Variants in RGS6 observed in about 807,000 individuals in gnomAD.
The protein encoded by RGS6 is regulator of G protein signaling 6.
Under a neutral mutation model 78.5 loss-of-function variants are expected in RGS6, and 30 were observed. The ratio of observed to expected loss-of-function variants is 0.38; its 90% CI spans 0.29 to 0.52. The LOEUF (loss-of-function observed/expected upper bound fraction) is 0.52, where lower values mean the gene tolerates loss of function less well. RGS6 is among the 20% of genes least tolerant of loss of function. RGS6 has a pLI of 0.85. For synonymous variants in RGS6, 206 were observed against 206.0 expected (o/e 1.00, Z 0.00); for missense variants, 495 against 609.7 (o/e 0.81, Z 1.98).
chr14:72,307,276 A>C (rs1236581044), intron 2 of RGS6, among the ~76,000 whole-genome samples: 1 of 152,094 alleles, frequency 6.6e-6, no homozygotes, highest in African/African-American at 2.4e-5. Context: ...ATGTGCTGGG[A>C]AACCAAAAAA....
intron 2 of RGS6, among the ~76,000 whole-genome samples, chr14:72,186,180 A>C (rs937543932): frequency 1.3e-5 from 2 of 152,232 alleles, no homozygotes; most frequent in Admixed American, 1.3e-4. Flanking sequence ...TTACCAAAGC[A>C]GATTTTATCA....
Position 71,986,430 on chromosome 14 carries a change from A to C in RGS6, c.84+21555A>C, listed in dbSNP as rs370661098. Among the ~76,000 whole-genome samples the C allele has an allele frequency of 3.3e-5, 5 of 152,342 alleles. No homozygotes were observed. In the South Asian group the frequency reaches 6.2e-4, roughly 19 times the overall value. ...GTAATGGCTTAAAACAAGGCCAGGC[A>C]CAGTGGTGCATGCCTGTAATTCCAG... On this transcript the variant is annotated intron_variant, in intron 2 of 17. Transcript: ENST00000553525.
At position 72,205,975 on chromosome 14, in the gene RGS6, A is replaced by G. The variant is rs577369488; in HGVS notation, c.85-146120A>G. 5.3e-5 allele frequency among the ~76,000 whole-genome samples: 8 copies of G among 152,368 alleles called. No individual in the cohort carries two copies. In the East Asian group the frequency reaches 1.3e-3, roughly 26 times the overall value. ...TTTGTACTATTTATCAGAATTTAAA[A>G]TGTATATGCCCTTTGGCCCAGCAAC... On this transcript the variant is annotated intron_variant, in intron 2 of 17. Coordinates refer to ENST00000553525, the MANE Select transcript of RGS6 (RefSeq NM_001204424.2).
intron 2 of RGS6, among the ~76,000 whole-genome samples, chr14:72,322,521 T>G (rs113420325): frequency 0.016 from 2,497 of 152,112 alleles, 30 homozygotes; most frequent in African/African-American, 0.028. Context: ...TTAAACCAAG[T>G]GAAAGCATCC....
the RGS6 span, among the ~76,000 whole-genome samples, chr14:71,881,731 G>A: frequency 6.6e-6 from 1 of 152,172 alleles, no homozygotes; most frequent in African/African-American, 2.4e-5. Flanking sequence ...TCAGCAGTGT[G>A]AGAATGGACT....
chr14:72,559,592 T>A (rs2097642550), intron 17 of RGS6, among the ~76,000 whole-genome samples: 1 of 151,288 alleles, frequency 6.6e-6, no homozygotes, highest in Non-Finnish European at 1.5e-5. Flanking sequence ...AAAGCAGGAG[T>A]GGGGAGAGGG....
At chr14:72,442,022 G>A (rs949787194) in intron 3 of RGS6, among the ~76,000 whole-genome samples, 3 of 152,316 alleles carry the variant, frequency 2.0e-5, no homozygotes, top group African/African-American at 4.8e-5. Flanking sequence ...CTGGAATGGA[G>A]GGAAATGTTT....
intron 2 of RGS6, among the ~76,000 whole-genome samples, chr14:72,152,032 T>A (rs959270438): frequency 6.6e-6 from 1 of 152,150 alleles, no homozygotes; most frequent in Non-Finnish European, 1.5e-5. Context: ...GTTTCCTCCA[T>A]CAAATGGGGA....
At chr14:72,152,815 C>G (rs540094608) in intron 2 of RGS6, among the ~76,000 whole-genome samples, 3 of 152,266 alleles carry the variant, frequency 2.0e-5, no homozygotes, top group South Asian at 2.1e-4. Flanking sequence ...TAGCTAACAT[C>G]TGGGTCCTTG....
chr14:72,244,636 C>G (rs2053759361), intron 2 of RGS6, among the ~76,000 whole-genome samples: 1 of 152,162 alleles, frequency 6.6e-6, no homozygotes, highest in African/African-American at 2.4e-5. Context: ...AAGAACGAGA[C>G]CTATTGCTGA....
At chr14:72,264,059 A>G (rs2058625847) in intron 2 of RGS6, among the ~76,000 whole-genome samples, 2 of 152,200 alleles carry the variant, frequency 1.3e-5, no homozygotes, top group Non-Finnish European at 2.9e-5. Flanking sequence ...GAAACACGTG[A>G]ACATTCATAC....
chr14:72,158,245 G>T (rs1445780582), intron 2 of RGS6, among the ~76,000 whole-genome samples: 4 of 152,202 alleles, frequency 2.6e-5, no homozygotes, highest in Non-Finnish European at 5.9e-5. Context: ...TCCTTGGCTT[G>T]TAGATGGTCA....
At chr14:72,578,046 A>C in the RGS6 span, among the ~76,000 whole-genome samples, 16 of 152,244 alleles carry the variant, frequency 1.1e-4, no homozygotes, top group East Asian at 1.9e-4. Context: ...CCTTAGAGTA[A>C]GTGGCTGAAA....
intron 2 of RGS6, among the ~76,000 whole-genome samples, chr14:72,174,229 T>C (rs576305826): frequency 2.2e-4 from 34 of 152,356 alleles, no homozygotes; most frequent in Admixed American, 5.2e-4. Flanking sequence ...TGCCTCAGCC[T>C]CCTGAGTAGC....
intron 2 of RGS6, among the ~76,000 whole-genome samples, chr14:72,006,271 GATGTCTACCAATGC>G (rs2084534198): frequency 6.6e-6 from 1 of 152,196 alleles, no homozygotes; most frequent in African/African-American, 2.4e-5. Context: ...AGTAGTTATT[GATGTCTACCAATGC>G]ATTAGACCAC....
At chr14:72,488,617 T>G (rs2096531021) in intron 12 of RGS6, among the ~76,000 whole-genome samples, 2 of 152,248 alleles carry the variant, frequency 1.3e-5, no homozygotes, top group African/African-American at 4.8e-5. Flanking sequence ...AAGATTCTAC[T>G]GCCTTAGGCT....
chr14:72,303,223 A>G (rs547104882), intron 2 of RGS6, among the ~76,000 whole-genome samples: 1 of 152,354 alleles, frequency 6.6e-6, no homozygotes, highest in Non-Finnish European at 1.5e-5. Context: ...CTTCCAGGCC[A>G]GGTGTGGTGG....
intron 17 of RGS6, chr14:72,540,760 G>C (rs141917831): frequency 1.0e-6 from 1 of 985,354 alleles, no homozygotes; most frequent in Non-Finnish European, 1.2e-6. Flanking sequence ...CTCCCCGGGG[G>C]CAAGGTCCTA....
At chr14:72,162,615 C>T (rs2096868181) in intron 2 of RGS6, among the ~76,000 whole-genome samples, 1 of 152,158 alleles carries the variant, frequency 6.6e-6, no homozygotes, top group African/African-American at 2.4e-5. Context: ...CTATCTGCCA[C>T]ACTTTCTAAA....
Sources: gnomAD v4.1 joint callset for allele counts (sites outside exome capture counted in the v4.1 genomes callset) on GRCh38, gnomAD v4.1.1 for gene constraint, MANE v1.5 for transcripts, NCBI Gene and HGNC (gene_info 2026-07-23, HGNC 2026-07-21) for gene names.